LRRC4C: variants seen among roughly 807,000 people sequenced by gnomAD.
LRRC4C encodes the protein leucine rich repeat containing 4C.
LRRC4C carries 5 observed loss-of-function variants against 33.6 expected under a neutral mutation model. The observed-to-expected ratio is 0.15, with a 90% CI of 0.08 to 0.31. The LOEUF is 0.31. Among genes scored for constraint, LRRC4C ranks in the 10% least tolerant of loss-of-function variants. The pLI is 1.00. For synonymous variants in LRRC4C, 329 were observed against 302.0 expected (o/e 1.09, Z -0.93); for missense variants, 560 against 796.7 (o/e 0.70, Z 3.58).
chr11:40,348,778 A>C (rs888189376), intron 3 of LRRC4C, among the ~76,000 whole-genome samples: 1 of 152,378 alleles, frequency 6.6e-6, no homozygotes, highest in African/African-American at 2.4e-5. Context: ...TATACAACAC[A>C]TAAAGACCTA....
chr11:40,470,520 T>A (rs1272212295), intron 3 of LRRC4C, among the ~76,000 whole-genome samples: 2 of 152,144 alleles, frequency 1.3e-5, no homozygotes, highest in African/African-American at 4.8e-5. Context: ...GGAACAAAAC[T>A]GGACGGAGAA....
chr11:40,307,515 C>A (rs1945099266), intron 4 of LRRC4C, among the ~76,000 whole-genome samples: 1 of 152,228 alleles, frequency 6.6e-6, no homozygotes, highest in Non-Finnish European at 1.5e-5. Flanking sequence ...TTCTTTCCAA[C>A]TGCATGATAT....
intron 3 of LRRC4C, among the ~76,000 whole-genome samples, chr11:40,521,914 G>C (rs1463915296): frequency 6.6e-6 from 1 of 151,932 alleles, no homozygotes; most frequent in Non-Finnish European, 1.5e-5. Context: ...AATAAAATAA[G>C]TAAACACTGA....
At chr11:40,960,204 T>C (rs553000655) in intron 1 of LRRC4C, among the ~76,000 whole-genome samples, 2 of 151,882 alleles carry the variant, frequency 1.3e-5, no homozygotes, top group South Asian at 4.1e-4. Context: ...TCTGTATCTA[T>C]AAAAATGTAT....
intron 2 of LRRC4C, among the ~76,000 whole-genome samples, chr11:40,818,213 C>T (rs1951783552): frequency 6.6e-6 from 1 of 152,096 alleles, no homozygotes; most frequent in East Asian, 1.9e-4. Flanking sequence ...TGCTTCTCCT[C>T]AGGTTACATC....
chr11:40,504,459 CACTTGG>C (rs59874477), intron 3 of LRRC4C, among the ~76,000 whole-genome samples: 25,139 of 151,790 alleles, frequency 0.17, 2,398 homozygotes, highest in African/African-American at 0.26. Flanking sequence ...GAACAGATGC[CACTTGG>C]AGGCATCTGT....
chr11:40,470,119 C>T (rs1952854132), intron 3 of LRRC4C, among the ~76,000 whole-genome samples: 1 of 152,176 alleles, frequency 6.6e-6, no homozygotes, highest in Non-Finnish European at 1.5e-5. Flanking sequence ...CGACAGACAC[C>T]TCATATAGGA....
chr11:40,575,996 C>A (rs76210074), intron 3 of LRRC4C, among the ~76,000 whole-genome samples: 2,563 of 152,302 alleles, frequency 0.017, 91 homozygotes, highest in African/African-American at 0.058. Flanking sequence ...CAAGTCACAG[C>A]TTCCTTGCCC....
chr11:41,008,351 G>C (rs539946221), intron 1 of LRRC4C, among the ~76,000 whole-genome samples: 1 of 151,990 alleles, frequency 6.6e-6, no homozygotes, highest in Non-Finnish European at 1.5e-5. Context: ...TCTGTCCCCC[G>C]TCTCTCTGAC....
At chr11:40,948,470 A>T (rs1399968401) in intron 1 of LRRC4C, among the ~76,000 whole-genome samples, 1 of 142,000 alleles carries the variant, frequency 7.0e-6, no homozygotes, top group Non-Finnish European at 1.5e-5. Context: ...GCACCCACTA[A>T]CTCGTCATCT....
chr11:41,193,994 T>C (rs1164129606), intron 1 of LRRC4C, among the ~76,000 whole-genome samples: 1 of 151,934 alleles, frequency 6.6e-6, no homozygotes, highest in African/African-American at 2.4e-5. Context: ...CTCCTCCATC[T>C]CTTCTGCCAG....
intron 2 of LRRC4C, among the ~76,000 whole-genome samples, chr11:40,688,442 C>A (rs1407955278): frequency 6.6e-6 from 1 of 152,104 alleles, no homozygotes; most frequent in African/African-American, 2.4e-5. Context: ...CTTACTTAAC[C>A]ATTTCCTCAT....
chr11:41,448,438 C>T lies in LRRC4C; in HGVS notation c.-496+10993G>A, dbSNP rs540617819. The stretch of plus-strand genomic sequence containing the variant: ...CTCCTGCCTCAGCCTCCTGAGTAGC[C>T]GGGATTACAGGCACCTGCCACCATG... On this transcript the variant is annotated intron_variant, in intron 1 of 6. Transcript: ENST00000528697. Among the ~76,000 whole-genome samples, 820 of 151,040 alleles carry T rather than the reference C, an allele frequency of 5.4e-3. 8 individuals carry two copies. Among genetic ancestry groups the T allele is most frequent in the African/African-American group, 0.019 (790 of 41,172 alleles).
chr11:41,134,994 A>T (rs995425224), intron 1 of LRRC4C, among the ~76,000 whole-genome samples: 3 of 152,164 alleles, frequency 2.0e-5, no homozygotes, highest in Admixed American at 2.0e-4. Context: ...TCATTATGAA[A>T]GTCAATAAAC....
At chr11:40,971,305 C>T (rs1183827587) in intron 1 of LRRC4C, among the ~76,000 whole-genome samples, 1 of 152,198 alleles carries the variant, frequency 6.6e-6, no homozygotes, top group East Asian at 1.9e-4. Flanking sequence ...ATCCTCAGGA[C>T]CCTGGTCCCT....
intron 2 of LRRC4C, among the ~76,000 whole-genome samples, chr11:40,761,914 A>G (rs903155049): frequency 2.0e-5 from 3 of 152,108 alleles, no homozygotes; most frequent in Admixed American, 6.6e-5. Flanking sequence ...GCGCTCAGAG[A>G]CAAGCAGTAT....
intron 3 of LRRC4C, among the ~76,000 whole-genome samples, chr11:40,382,334 T>C (rs1454258946): frequency 6.6e-6 from 1 of 151,592 alleles, no homozygotes; most frequent in Non-Finnish European, 1.5e-5. Context: ...ATTGTAATTA[T>C]TGATGGCCTT....
chr11:41,137,172 C>G (rs931933443), intron 1 of LRRC4C, among the ~76,000 whole-genome samples: 1 of 151,966 alleles, frequency 6.6e-6, no homozygotes, highest in South Asian at 2.1e-4. Flanking sequence ...TGCTTGAACC[C>G]AGGAGGTCGC....
At chr11:41,277,180 A>G (rs969697456) in intron 1 of LRRC4C, among the ~76,000 whole-genome samples, 5 of 152,168 alleles carry the variant, frequency 3.3e-5, no homozygotes, top group African/African-American at 1.2e-4. Flanking sequence ...GGCAGCATTT[A>G]TTCCTCAAAA....
Sources: allele counts gnomAD v4.1 joint callset (sites outside exome capture counted in the v4.1 genomes callset), GRCh38; gene constraint gnomAD v4.1.1; transcripts MANE v1.5; gene names NCBI Gene and HGNC (gene_info 2026-07-23, HGNC 2026-07-21).